The following SYNE2 variants were observed in gnomAD, a reference collection of about 807,000 sequenced individuals.
The protein encoded by SYNE2 is nesprin-2.
Under a neutral mutation model 856.3 loss-of-function variants are expected in SYNE2, and 431 were observed. The ratio of observed to expected loss-of-function variants is 0.50; its 90% confidence interval spans 0.47 to 0.55. The LOEUF is 0.55. Among genes scored for constraint, SYNE2 ranks in the 20% least tolerant of loss-of-function variants. The pLI, the probability that SYNE2 is intolerant of heterozygous loss-of-function variation, is 0.00. For synonymous variants in SYNE2, 2,923 were observed against 2,872.3 expected, an observed-to-expected ratio of 1.02 and a Z score of -0.56; for missense variants, 8,129 against 8,023.2, an observed-to-expected ratio of 1.01 and a Z score of -0.50.
At chr14:64,190,957 A>G (rs1053060066) in intron 99 of SYNE2, 1 of 702,258 alleles carries the variant, frequency 1.4e-6, no homozygotes, top group Non-Finnish European at 2.6e-6. Flanking sequence ...CACGTGGCAT[A>G]CAGCGAACCG....
At chr14:63,951,111 G>A (rs545712200) in intron 7 of SYNE2, among the ~76,000 whole-genome samples, 5 of 151,978 alleles carry the variant, frequency 3.3e-5, no homozygotes, top group African/African-American at 1.2e-4. Context: ...GAAAAATAAG[G>A]ACTGTAGATT....
chr14:64,002,667 T>C, intron 29 of SYNE2, 53 bp from the exon 30 acceptor site: 1 of 1,590,722 alleles, frequency 6.3e-7, no homozygotes, highest in South Asian at 1.1e-5. Flanking sequence ...TTCTCACATG[T>C]AGCCTTTCTT....
chr14:64,202,156 G>A (rs746948213), intron 99 of SYNE2: 31 of 701,764 alleles, frequency 4.4e-5, no homozygotes, highest in Middle Eastern at 2.5e-4. Context: ...CTGCGCTTGC[G>A]TGCAGATTTC....
At chr14:64,154,735 G>A (rs543085707) in intron 85 of SYNE2, among the ~76,000 whole-genome samples, 1 of 145,124 alleles carries the variant, frequency 6.9e-6, no homozygotes, top group African/African-American at 2.6e-5. Flanking sequence ...GGAAGGAGCA[G>A]TAAGGCAAGA....
chr14:63,785,256 C>G (rs1434822520), intron 1 of SYNE2, among the ~76,000 whole-genome samples: 1 of 151,908 alleles, frequency 6.6e-6, no homozygotes, highest in Non-Finnish European at 1.5e-5. Context: ...CTCAGGAGTT[C>G]GAGACCAGCC....
intron 107 of SYNE2, chr14:64,215,574 C>T: frequency 1.6e-6 from 1 of 622,456 alleles, no homozygotes; most frequent in African/African-American, 1.8e-5. Flanking sequence ...AACCCCCTCT[C>T]CTCCCTTCAG....
intron 46 of SYNE2, 135 bp from the exon 47 acceptor site, chr14:64,049,476 T>A (rs1372997322): frequency 1.7e-6 from 1 of 579,476 alleles, no homozygotes. Flanking sequence ...AGGTTACAAC[T>A]TTAGTTACCC....
chr14:64,048,234 C>T (rs1595128063), intron 46 of SYNE2, 79 bp downstream of exon 46: 8 of 1,447,392 alleles, frequency 5.5e-6, no homozygotes, highest in Non-Finnish European at 7.6e-6. Flanking sequence ...TTGCCAAAAA[C>T]TTGCTTGTAC....
In SYNE2 at chr14:64,137,894, C is replaced by T. The variant is rs151173272; in HGVS notation, c.14754C>T (p.Ile4918=). 3 of 1,614,056 alleles carry T rather than the reference C, an allele frequency of 1.9e-6. No individual in the cohort carries two copies. Among genetic ancestry groups the T allele is most frequent in the African/African-American group, 1.3e-5 (1 of 74,914 alleles). The part of the protein sequence containing the change: ...SVSCPELEGQ[I]AKLEEQWLSL... ...GCTGTCCTGAATTAGAGGGCCAGAT[C>T]GCAAAACTGGAAGAGCAGTGGTTGT... Residue 4918 remains isoleucine, a synonymous_variant, in exon 79 of 116, where the codon ATC becomes ATT. Transcript: ENST00000555002.
intron 84 of SYNE2, among the ~76,000 whole-genome samples, chr14:64,150,814 T>A (rs1472469447): frequency 6.6e-6 from 1 of 152,170 alleles, no homozygotes; most frequent in Non-Finnish European, 1.5e-5. Flanking sequence ...TAAATAAGGC[T>A]GTCAGGGTGT....
intron 85 of SYNE2, among the ~76,000 whole-genome samples, chr14:64,158,389 A>G (rs1368087803): frequency 1.3e-5 from 2 of 151,880 alleles, no homozygotes; most frequent in East Asian, 3.9e-4. Context: ...CCTAGTCTGA[A>G]CTCCTTCAGT....
At chr14:64,215,515 C>T in intron 107 of SYNE2, 161 bp downstream of exon 107, 1 of 765,522 alleles carries the variant, frequency 1.3e-6, no homozygotes, top group Non-Finnish European at 2.3e-6. Flanking sequence ...TCACCCATAA[C>T]TGCGTGCTCC....
chr14:63,817,545 A>G (rs1227077819), intron 1 of SYNE2, among the ~76,000 whole-genome samples: 1 of 152,164 alleles, frequency 6.6e-6, no homozygotes, highest in Non-Finnish European at 1.5e-5. Context: ...TTCTTTTTCC[A>G]GCCTCATCTT....
At chr14:64,097,156 T>C (rs1410207126) in intron 61 of SYNE2, among the ~76,000 whole-genome samples, 1 of 152,208 alleles carries the variant, frequency 6.6e-6, no homozygotes, top group African/African-American at 2.4e-5. Context: ...ATAAGAAATT[T>C]GATCTGCACA....
intron 94 of SYNE2, among the ~76,000 whole-genome samples, chr14:64,173,373 T>TG (rs1248265762): frequency 1.3e-5 from 2 of 152,226 alleles, no homozygotes; most frequent in Non-Finnish European, 2.9e-5. Context: ...GTTGGAGAGA[T>TG]GCACGTGGAG....
At chr14:63,805,448 G>A (rs1211970363) in intron 1 of SYNE2, among the ~76,000 whole-genome samples, 3 of 152,104 alleles carry the variant, frequency 2.0e-5, no homozygotes, top group Admixed American at 6.6e-5. Flanking sequence ...GTGCAGTGGC[G>A]CAATCCCGGC....
At chr14:64,216,655 G>T (rs2098667968) in intron 108 of SYNE2, among the ~76,000 whole-genome samples, 1 of 152,186 alleles carries the variant, frequency 6.6e-6, no homozygotes, top group Admixed American at 6.5e-5. Context: ...GTCGAGTCAG[G>T]TGTCTGTGCA....
intron 45 of SYNE2, among the ~76,000 whole-genome samples, chr14:64,046,826 G>C (rs1158840910): frequency 6.6e-6 from 1 of 152,228 alleles, no homozygotes; most frequent in African/African-American, 2.4e-5. Flanking sequence ...AGCAAGCGCT[G>C]TGTGGGGCCC....
chr14:63,827,667 GA>G (rs1430002749), intron 1 of SYNE2, among the ~76,000 whole-genome samples: 45 of 88,096 alleles, frequency 5.1e-4, no homozygotes, highest in Admixed American at 1.5e-3. Flanking sequence ...GAAAGAAAAA[GA>G]AAAAAAGAAA....
Sources: allele counts gnomAD v4.1 joint callset (sites outside exome capture counted in the v4.1 genomes callset), GRCh38; gene constraint gnomAD v4.1.1; transcripts MANE v1.5; gene names NCBI Gene and HGNC (gene_info 2026-07-23, HGNC 2026-07-21).